The following SOX13 variants were observed in gnomAD, a reference collection of about 807,000 sequenced individuals.
The protein encoded by SOX13 is transcription factor SOX-13.
A neutral mutation model predicts 71.8 loss-of-function variants in SOX13; 28 were observed. The observed-to-expected ratio is 0.39, with a 90% CI of 0.29 to 0.53. SOX13 has a LOEUF of 0.53. Ranked by LOEUF, SOX13 falls within the 20% of genes least tolerant of loss-of-function variation. SOX13 has a pLI of 0.70. For missense variants in SOX13, 627 were observed against 810.3 expected (o/e 0.77, Z 2.75); for synonymous variants, 309 against 317.8 (o/e 0.97, Z 0.29).
chr1:204,114,258 G>A, intron 2 of SOX13, 63 bp from the exon 3 acceptor site: 2 of 1,144,106 alleles, frequency 1.7e-6, no homozygotes, highest in Non-Finnish European at 2.5e-6. Flanking sequence ...GGGGTGCCCA[G>A]CCCTCCCTGC....
In SOX13 at chr1:204,114,304, T is replaced by A; in HGVS notation, c.220-17T>A. The A allele has an allele frequency of 6.5e-7, 1 of 1,534,290 alleles. No individual in the cohort carries two copies. The highest frequency in any genetic ancestry group is 8.9e-7 in the Non-Finnish European group (1 of 1,120,144). On this transcript the variant is annotated splice_polypyrimidine_tract_variant and intron_variant, in intron 2 of 13. Transcript: ENST00000367204. The stretch of plus-strand genomic sequence containing the variant: ...CTTCTCTTGGGGGTTATGGTGACAA[T>A]TCAGTATGTCTTGCAGGACTGTAGC...
chr1:204,073,647 A>G lies in SOX13; in HGVS notation c.-66A>G, dbSNP rs1042010933. The G allele has an allele frequency of 6.6e-6, 1 of 151,844 alleles. No homozygotes were observed. The highest frequency in any genetic ancestry group is 2.4e-5 in the African/African-American group (1 of 41,328). The allele number at this position is 151,844 out of a possible 1,614,324, so 9.4% of individuals were successfully genotyped here. A position where few individuals can be genotyped will look rare whatever the true frequency, so the allele number is the denominator to read the frequency against. On this transcript the variant is annotated 5_prime_UTR_variant, in exon 1 of 14. Coordinates refer to ENST00000367204, the MANE Select transcript of SOX13 (RefSeq NM_005686.3). This position sits in a 1 kb window ranked among gnomAD's most constrained non-coding sequence, Gnocchi z 6.8. ...CTAGGCTGCCAGCCGCGAGGACCGC[A>G]CGGAGGAGGAGCAGGAGCGCGGAGC... is the stretch of plus-strand genomic sequence containing the variant.
At chr1:204,125,792 AG>A in intron 13 of SOX13, 65 bp from the exon 14 acceptor site, 1 of 1,525,446 alleles carries the variant, frequency 6.6e-7, no homozygotes, top group Non-Finnish European at 8.8e-7. Flanking sequence ...GGAGGCCTGG[AG>A]GGGAGATGGG....
At chr1:204,122,651 A>G in intron 9 of SOX13, 2 of 604,608 alleles carry the variant, frequency 3.3e-6, no homozygotes, top group Non-Finnish European at 5.9e-6. Context: ...TAGTCTATTG[A>G]CATGCACAAT....
At chr1:204,109,863 G>A (rs561788209) in intron 1 of SOX13, among the ~76,000 whole-genome samples, 6 of 151,240 alleles carry the variant, frequency 4.0e-5, no homozygotes, top group South Asian at 2.1e-4. Flanking sequence ...ACGGAGTTTC[G>A]CTCTTGTTGC....
At chr1:204,113,264 G>A (rs931736333) in intron 2 of SOX13, 130 bp downstream of exon 2, 75 of 778,642 alleles carry the variant, frequency 9.6e-5, no homozygotes, top group Middle Eastern at 7.5e-4. Flanking sequence ...GGGGTAAGAC[G>A]CCATGTAGGG....
intron 1 of SOX13, among the ~76,000 whole-genome samples, chr1:204,103,354 T>C (rs936626538): frequency 6.6e-6 from 1 of 152,046 alleles, no homozygotes; most frequent in Admixed American, 6.6e-5. Context: ...CCGAGGAGAG[T>C]GGCCAGGGCA....
At chr1:204,080,477 G>A (rs1367952612) in intron 1 of SOX13, among the ~76,000 whole-genome samples, 1 of 152,126 alleles carries the variant, frequency 6.6e-6, no homozygotes, top group East Asian at 1.9e-4. Context: ...TGCCTGCCAA[G>A]CCTGGAGCTC....
chr1:204,115,577 G>A (rs191219309), intron 4 of SOX13, among the ~76,000 whole-genome samples: 31 of 150,390 alleles, frequency 2.1e-4, no homozygotes, highest in African/African-American at 7.6e-4. Flanking sequence ...TGGAGGTCAG[G>A]GGGACACTAA....
Position 204,123,582 on chromosome 1 carries a change from G to A in SOX13, c.1232-79G>A. 1 of 1,491,422 alleles carries A rather than the reference G, an allele frequency of 6.7e-7. No homozygotes were observed. Among genetic ancestry groups the A allele is most frequent in the Non-Finnish European group, 9.1e-7 (1 of 1,100,046 alleles). 92.4% of individuals were successfully genotyped at this position (1,491,422 alleles called of 1,614,324 possible). On this transcript the variant is annotated intron_variant, in intron 11 of 13. Transcript: ENST00000367204. This position sits in a 1 kb window ranked among gnomAD's most constrained non-coding sequence, Gnocchi z 5.0. ...TCAGTGCCTCCTGCTGGTCAAGTAG[G>A]GGACGTCTCTCTGCTGGCCCTGGGG...
intron 1 of SOX13, among the ~76,000 whole-genome samples, chr1:204,107,412 T>G (rs1656491409): frequency 6.6e-6 from 1 of 151,864 alleles, no homozygotes. Context: ...AGCTGCAGAG[T>G]GACAGAGCAG....
At chr1:204,100,234 T>A (rs1331752589) in intron 1 of SOX13, among the ~76,000 whole-genome samples, 1 of 152,252 alleles carries the variant, frequency 6.6e-6, no homozygotes, top group African/African-American at 2.4e-5. Flanking sequence ...TTCATCTGAT[T>A]GTCCCAAGAG....
rs767588631 is a variant in SOX13 at position 204,122,337 on chromosome 1, G to A, written c.962G>A (p.Arg321His). 11 of 1,561,086 alleles carry A rather than the reference G, an allele frequency of 7.0e-6. No homozygotes were observed. The highest frequency in any genetic ancestry group is 6.8e-5 in the African/African-American group (5 of 73,134). ...PSLKMSSCVP[R>H]PPSHGGPTRD... Reference sequence around the variant, plus strand: ...CTGAAGATGAGCAGCTGTGTGCCCCGCCCCCCCAGCCATGGAGGCCCCACG... The same window carrying A: ...CTGAAGATGAGCAGCTGTGTGCCCCACCCCCCCAGCCATGGAGGCCCCACG... The change falls in exon 9 of 14, where the codon CGC becomes CAC. Residue 321 changes from arginine to histidine, a missense_variant. Arg to His is a conservative substitution (Grantham distance 29). Transcript: ENST00000367204.
At chr1:204,087,724 C>G (rs1228574024) in intron 1 of SOX13, among the ~76,000 whole-genome samples, 1 of 152,230 alleles carries the variant, frequency 6.6e-6, no homozygotes, top group East Asian at 1.9e-4. Context: ...ATGATGACAA[C>G]CACACTGGCA....
intron 8 of SOX13, 82 bp downstream of exon 8, chr1:204,122,067 G>A (rs1360309253): frequency 2.3e-5 from 25 of 1,106,596 alleles, no homozygotes; most frequent in Admixed American, 1.7e-4. Flanking sequence ...TGCGGGGTGT[G>A]GACTGGTGAG....
chr1:204,115,439 A>G (rs1057081268), intron 4 of SOX13, among the ~76,000 whole-genome samples: 7 of 135,010 alleles, frequency 5.2e-5, no homozygotes, highest in South Asian at 2.3e-4. Flanking sequence ...CTGGGCCTCT[A>G]TACTTCTCAA....
intron 1 of SOX13, among the ~76,000 whole-genome samples, chr1:204,086,478 AT>A (rs1289109801): frequency 7.9e-6 from 1 of 125,990 alleles, no homozygotes; most frequent in African/African-American, 3.1e-5. Context: ...TAATTTTTCT[AT>A]TTTTCATAGA....
chr1:204,122,446 G>C, intron 9 of SOX13, 47 bp downstream of exon 9: 1 of 1,500,962 alleles, frequency 6.7e-7, no homozygotes, highest in Non-Finnish European at 9.0e-7. Flanking sequence ...TCTTAGGGGA[G>C]AGCCGGCGGC....
chr1:204,119,533 A>T (rs1656760648), intron 7 of SOX13: 2 of 152,190 alleles, frequency 1.3e-5, no homozygotes, highest in African/African-American at 4.8e-5. Context: ...TCACATTGGG[A>T]ATTAGATTTC....
Sources: gnomAD v4.1 joint callset for allele counts (sites outside exome capture counted in the v4.1 genomes callset) on GRCh38, gnomAD v4.1.1 for gene constraint, Gnocchi (gnomAD v3.1) non-coding constraint, MANE v1.5 for transcripts, NCBI Gene and HGNC (gene_info 2026-07-23, HGNC 2026-07-21) for gene names.